The following WDR70 variants were observed in gnomAD, a reference collection of about 807,000 sequenced individuals.
WDR70 encodes the protein WD repeat-containing protein 70.
In WDR70, 53 loss-of-function variants were observed where a neutral mutation model predicts 88.6. That is an observed-to-expected ratio of 0.60 (90% confidence interval 0.48 to 0.75). The LOEUF is 0.75. WDR70 is among the 30% of genes least tolerant of loss of function. WDR70 has a pLI of 0.00. For synonymous variants in WDR70, 280 were observed against 270.0 expected (o/e 1.04, Z -0.36); for missense variants, 610 against 823.2 (o/e 0.74, Z 3.17).
intron 10 of WDR70, among the ~76,000 whole-genome samples, chr5:37,622,553 T>C (rs1236349808): frequency 3.3e-5 from 5 of 152,200 alleles, no homozygotes; most frequent in African/African-American, 1.2e-4. Context: ...CATGGAATAC[T>C]ATGCAGCCTT....
intron 10 of WDR70, among the ~76,000 whole-genome samples, chr5:37,638,964 A>G (rs908802034): frequency 6.6e-6 from 1 of 152,354 alleles, no homozygotes; most frequent in East Asian, 1.9e-4. Context: ...ACAAAAATGT[A>G]TCTAACTTGA....
chr5:37,630,726 C>G (rs1744790257), intron 10 of WDR70, among the ~76,000 whole-genome samples: 8 of 152,182 alleles, frequency 5.3e-5, no homozygotes, highest in Admixed American at 5.2e-4. Flanking sequence ...AATGTATGGA[C>G]TTGGCATAAT....
At chr5:37,681,874 T>A (rs1260611944) in intron 10 of WDR70, among the ~76,000 whole-genome samples, 2 of 152,184 alleles carry the variant, frequency 1.3e-5, no homozygotes, top group African/African-American at 4.8e-5. Context: ...ATCAAGGATA[T>A]TGGCCTGAAG....
At chr5:37,579,669 A>T (rs1581409382) in intron 9 of WDR70, among the ~76,000 whole-genome samples, 1 of 152,188 alleles carries the variant, frequency 6.6e-6, no homozygotes, top group African/African-American at 2.4e-5. Flanking sequence ...GTTTGAAAAA[A>T]AATTGGATCT....
chr5:37,629,949 C>G (rs774426790), intron 10 of WDR70, among the ~76,000 whole-genome samples: 1 of 152,016 alleles, frequency 6.6e-6, no homozygotes, highest in Non-Finnish European at 1.5e-5. Context: ...ATAAATGGAT[C>G]TTGGGTTGTT....
At chr5:37,743,880 T>G (rs1748564245) in intron 17 of WDR70, among the ~76,000 whole-genome samples, 1 of 152,046 alleles carries the variant, frequency 6.6e-6, no homozygotes, top group Non-Finnish European at 1.5e-5. Context: ...GACGAGTGGG[T>G]TTCCCCCCAG....
At chr5:37,525,962 AAC>A (rs879452556) in intron 9 of WDR70, among the ~76,000 whole-genome samples, 1 of 152,196 alleles carries the variant, frequency 6.6e-6, no homozygotes, top group Non-Finnish European at 1.5e-5. Flanking sequence ...ATAGAGCAAT[AAC>A]AGTTTCTGAA....
At chr5:37,654,159 G>A (rs10050932) in intron 10 of WDR70, among the ~76,000 whole-genome samples, 13,228 of 152,124 alleles carry the variant, frequency 0.087, 1,873 homozygotes, top group African/African-American at 0.3. Context: ...GTTTTCATTG[G>A]TTTCAAAGAA....
At chr5:37,576,647 C>A (rs1293100722) in intron 9 of WDR70, among the ~76,000 whole-genome samples, 1 of 151,886 alleles carries the variant, frequency 6.6e-6, no homozygotes, top group Non-Finnish European at 1.5e-5. Context: ...GCTTTCTTAC[C>A]CTCCAGTGTA....
intron 17 of WDR70, among the ~76,000 whole-genome samples, chr5:37,729,444 G>A (rs1300076268): frequency 2.6e-5 from 4 of 152,170 alleles, no homozygotes; most frequent in Middle Eastern, 3.2e-3. Flanking sequence ...TGATGTTTCT[G>A]ATTTCAGTCC....
intron 9 of WDR70, among the ~76,000 whole-genome samples, chr5:37,524,317 G>T (rs1292703167): frequency 6.6e-6 from 1 of 152,176 alleles, no homozygotes; most frequent in African/African-American, 2.4e-5. Flanking sequence ...GAGAGTGGGG[G>T]TCAATATTCA....
intron 10 of WDR70, among the ~76,000 whole-genome samples, chr5:37,673,324 C>T (rs1746086500): frequency 1.3e-5 from 2 of 152,042 alleles, no homozygotes; most frequent in Admixed American, 1.3e-4. Context: ...TAGGCTTATT[C>T]CATGTCTTTG....
chr5:37,396,444 A>AC lies in WDR70; in HGVS notation c.371dup (p.Lys125Ter). 1 of 1,613,924 alleles carries AC rather than the reference A, an allele frequency of 6.2e-7. No individual in the cohort carries two copies. Among genetic ancestry groups the AC allele is most frequent in the Non-Finnish European group, 8.5e-7 (1 of 1,179,998 alleles). On this transcript the variant is annotated frameshift_variant, in exon 5 of 18. Transcript: ENST00000265107. LOFTEE classifies it high-confidence loss of function. ...ATGATGAGTTAATTGGCCCTCCTTT[A>AC]CCCCCTAAAATGGTAGGAAAACCAG... is the stretch of plus-strand genomic sequence containing the variant.
Position 37,605,156 on chromosome 5 carries a change from C to T in WDR70, c.1010C>T (p.Thr337Met), listed in dbSNP as rs771775540. The T allele has an allele frequency of 1.1e-5, 18 of 1,613,500 alleles. No individual in the cohort carries two copies. Among genetic ancestry groups the T allele is most frequent in the Non-Finnish European group, 1.5e-5 (18 of 1,179,686 alleles). ...CAAGGCAAAAAAGTCATTCCCACTA[C>T]GTGCACATATAGTAGAGATGGAAAC... The part of the protein sequence containing the change: ...TMQGKKVIPT[T>M]CTYSRDGNLI... Residue 337 changes from threonine to methionine, a missense_variant, in exon 10 of 18, where the codon ACG becomes ATG. By Grantham distance (81) the Thr-to-Met change is moderately conservative (BLOSUM62 -1). Around this residue, in one of 4 missense-constraint regions of WDR70, gnomAD observed 254 missense variants for 300.7 expected, o/e 0.84. Transcript: ENST00000265107.
intron 9 of WDR70, among the ~76,000 whole-genome samples, chr5:37,560,445 T>A (rs1401061678): frequency 2.0e-5 from 3 of 152,220 alleles, no homozygotes; most frequent in Non-Finnish European, 2.9e-5. Context: ...CAGTTTAAAG[T>A]CAAATATGAG....
At chr5:37,475,830 T>A (rs1739463598) in intron 7 of WDR70, among the ~76,000 whole-genome samples, 1 of 147,174 alleles carries the variant, frequency 6.8e-6, no homozygotes, top group South Asian at 2.1e-4. Context: ...CTGTCTTGTC[T>A]TTTGCATTAC....
intron 5 of WDR70, 140 bp from the exon 6 acceptor site, chr5:37,437,782 T>A: frequency 1.4e-6 from 1 of 710,646 alleles, no homozygotes; most frequent in East Asian, 2.9e-5. Context: ...ACTCTCACAC[T>A]TTTTTGCTGT....
intron 11 of WDR70, among the ~76,000 whole-genome samples, chr5:37,700,728 A>G (rs1015144452): frequency 6.6e-6 from 1 of 152,158 alleles, no homozygotes; most frequent in African/African-American, 2.4e-5. Flanking sequence ...CTCTAATATC[A>G]TACTTCAGAG....
chr5:37,382,536 C>G (rs528543651), intron 3 of WDR70, among the ~76,000 whole-genome samples: 15 of 151,878 alleles, frequency 9.9e-5, no homozygotes, highest in Non-Finnish European at 2.1e-4. Context: ...CTCAGCCCCC[C>G]AGGTAGCTGG....
Sources: allele counts gnomAD v4.1 joint callset (sites outside exome capture counted in the v4.1 genomes callset), GRCh38; gene constraint gnomAD v4.1.1; regional missense constraint gnomAD v4.1.1; transcripts MANE v1.5; gene names NCBI Gene and HGNC (gene_info 2026-07-23, HGNC 2026-07-21).